Variants in CRLS1 observed in about 807,000 individuals in gnomAD.
The protein encoded by CRLS1 is cardiolipin synthase 1.
A neutral mutation model predicts 37.0 loss-of-function variants in CRLS1; 24 were observed. The ratio of observed to expected loss-of-function variants is 0.65; its 90% confidence interval spans 0.47 to 0.91. The LOEUF (loss-of-function observed/expected upper bound fraction) is 0.91. Ranked by LOEUF, CRLS1 falls within the 40% of genes least tolerant of loss-of-function variation. The pLI is 0.00. For missense variants in CRLS1, 373 were observed against 395.8 expected, an observed-to-expected ratio of 0.94 and a Z score of 0.49; for synonymous variants, 135 against 159.7, an observed-to-expected ratio of 0.85 and a Z score of 1.17.
intron 2 of CRLS1, among the ~76,000 whole-genome samples, chr20:6,014,856 T>C (rs1022600575): frequency 1.3e-5 from 2 of 152,066 alleles, no homozygotes; most frequent in African/African-American, 4.8e-5. Context: ...GTAGAGAGGA[T>C]TGAGTTTTCT....
intron 1 of CRLS1, chr20:6,006,768 C>A (rs1051270862): frequency 2.0e-6 from 2 of 985,266 alleles, no homozygotes; most frequent in Non-Finnish European, 2.4e-6. Flanking sequence ...AGTTAGAAAT[C>A]CTCTCATCCC....
chr20:6,019,023 A>G (rs1261002720), intron 3 of CRLS1, among the ~76,000 whole-genome samples: 3 of 152,092 alleles, frequency 2.0e-5, no homozygotes, highest in Non-Finnish European at 4.4e-5. Context: ...AGGTTTTCAT[A>G]TCAAATTTAT....
In CRLS1 at chr20:6,015,406, T is replaced by C. The variant is rs1332952757; in HGVS notation, c.490T>C (p.Leu164=). 1 of 1,610,978 alleles carries C rather than the reference T, an allele frequency of 6.2e-7. No homozygotes were observed. Among genetic ancestry groups the C allele is most frequent in the African/African-American group, 1.3e-5 (1 of 74,852 alleles). Residue 164 remains leucine (L), a synonymous_variant, in exon 3 of 7, where the codon TTG becomes CTG. Coordinates refer to ENST00000378863, the MANE Select transcript of CRLS1 (RefSeq NM_019095.6). ...AAACTGGGCCAATCAAAGATCAGCT[T>C]TGGGAAGTGCTCTTGATCCACTTGC... ...ARNWANQRSA[L]GSALDPLADK... is the part of the protein sequence containing the mutation.
At chr20:6,022,896 G>A (rs912979884) in intron 3 of CRLS1, among the ~76,000 whole-genome samples, 2 of 151,896 alleles carry the variant, frequency 1.3e-5, no homozygotes, top group African/African-American at 2.4e-5. Flanking sequence ...TATGTTAGAC[G>A]TTCTCCCCGT....
At chr20:6,036,611 A>C (rs7263402) in intron 6 of CRLS1, among the ~76,000 whole-genome samples, 12,209 of 152,294 alleles carry the variant, frequency 0.08, 760 homozygotes, top group African/African-American at 0.17. Context: ...TAGAGTTCAA[A>C]CGAAGTCAGG....
intron 3 of CRLS1, among the ~76,000 whole-genome samples, chr20:6,027,579 T>C (rs563958787): frequency 3.3e-5 from 5 of 150,804 alleles, no homozygotes; most frequent in African/African-American, 1.2e-4. Context: ...CACGCCGAGC[T>C]AATTTTTGTA....
intron 4 of CRLS1, among the ~76,000 whole-genome samples, 163 bp from the exon 5 acceptor site, chr20:6,031,849 G>A (rs1017519590): frequency 6.6e-6 from 1 of 152,064 alleles, no homozygotes; most frequent in Admixed American, 6.6e-5. Context: ...TACAGCAATT[G>A]AAAAATCTAT....
chr20:6,020,910 G>T (rs943875433), intron 3 of CRLS1, among the ~76,000 whole-genome samples: 5 of 151,772 alleles, frequency 3.3e-5, no homozygotes, highest in African/African-American at 1.2e-4. Context: ...GGGATTACAG[G>T]CGTGAGCCAC....
chr20:6,032,272 T>A lies in CRLS1; in HGVS notation c.729+192T>A, dbSNP rs117428638. On this transcript the variant is annotated intron_variant, in intron 5 of 6. Transcript: ENST00000378863. ...GTTTTTTGGATCATCCTTATACATG[T>A]TGTGCCTTGAGTTGGTGGTCTGAGA... Among the ~76,000 whole-genome samples, 895 of 152,258 alleles carry A rather than the reference T, an allele frequency of 5.9e-3. 12 individuals carry two copies. The highest frequency in any genetic ancestry group is 0.031 in the Middle Eastern group (9 of 294).
chr20:6,022,904 C>T (rs1249164243), intron 3 of CRLS1, among the ~76,000 whole-genome samples: 4 of 152,104 alleles, frequency 2.6e-5, no homozygotes, highest in African/African-American at 4.8e-5. Context: ...ACGTTCTCCC[C>T]GTATCCATTA....
intron 3 of CRLS1, 157 bp from the exon 4 acceptor site, chr20:6,031,128 A>AAAC (rs1980131629): frequency 2.0e-6 from 1 of 492,226 alleles, no homozygotes; most frequent in Non-Finnish European, 3.5e-6. Flanking sequence ...GTAGTTTGCT[A>AAAC]TAGGGGACCC....
At chr20:6,031,155 G>A (rs1980135242) in intron 3 of CRLS1, 130 bp from the exon 4 acceptor site, 3 of 581,924 alleles carry the variant, frequency 5.2e-6, no homozygotes, top group Non-Finnish European at 5.8e-6. Flanking sequence ...ATCGATAGGT[G>A]TTCATTATAA....
chr20:6,016,469 G>A (rs542765614), intron 3 of CRLS1, among the ~76,000 whole-genome samples: 6 of 131,132 alleles, frequency 4.6e-5, no homozygotes, highest in African/African-American at 1.3e-4. Flanking sequence ...GTGTGTGTGT[G>A]TGTGTGAGTT....
chr20:6,007,496 C>T, intron 1 of CRLS1: 1 of 1,305,578 alleles, frequency 7.7e-7, no homozygotes, highest in Non-Finnish European at 1.1e-6. Context: ...ATTAATGAGA[C>T]ACCTTAACTG....
intron 1 of CRLS1, among the ~76,000 whole-genome samples, chr20:6,007,814 A>G (rs2090079707): frequency 6.6e-6 from 1 of 152,146 alleles, no homozygotes; most frequent in African/African-American, 2.4e-5. Flanking sequence ...TTGGACTCTG[A>G]AACACTCTGA....
At chr20:6,032,244 C>T (rs923262599) in intron 5 of CRLS1, among the ~76,000 whole-genome samples, 164 bp downstream of exon 5, 1 of 152,068 alleles carries the variant, frequency 6.6e-6, no homozygotes, top group Admixed American at 6.6e-5. Flanking sequence ...GTTTGTCCTC[C>T]GTGTTTTTTG....
At chr20:6,026,894 T>C (rs1355940892) in intron 3 of CRLS1, among the ~76,000 whole-genome samples, 1 of 152,058 alleles carries the variant, frequency 6.6e-6, no homozygotes, top group Admixed American at 6.5e-5. Flanking sequence ...GAGAGTAACA[T>C]GTGGAGTTGG....
chr20:6,006,395 G>C lies in CRLS1; in HGVS notation c.149G>C (p.Arg50Thr). The change falls in exon 1 of 7, where the codon AGG (arginine) becomes ACG (threonine). Residue 50 changes from arginine to threonine, a missense_variant. Transcript: ENST00000378863. ...CCLGCLAERW[R>T]LRPAALGLRL... Reference sequence around the variant, plus strand: ...TTGGGCTGCCTGGCCGAACGCTGGAGGCTGCGTCCGGCCGCTCTTGGCTTG... The same window carrying C: ...TTGGGCTGCCTGGCCGAACGCTGGACGCTGCGTCCGGCCGCTCTTGGCTTG... 1 of 1,406,552 alleles carries C rather than the reference G, an allele frequency of 7.1e-7. No individual in the cohort carries two copies. Among genetic ancestry groups the C allele is most frequent in the East Asian group, 3.1e-5 (1 of 31,948 alleles). The allele number at this position is 1,406,552 out of a possible 1,614,324, so 87.1% of individuals were successfully genotyped here.
intron 3 of CRLS1, among the ~76,000 whole-genome samples, chr20:6,019,691 CTTT>C (rs146083457): frequency 0.089 from 10,683 of 120,252 alleles, 797 homozygotes; most frequent in African/African-American, 0.2. Flanking sequence ...TTTCGAAATT[CTTT>C]TTTTTTTTTT....
Sources: gnomAD v4.1 joint callset for allele counts (sites outside exome capture counted in the v4.1 genomes callset) on GRCh38, gnomAD v4.1.1 for gene constraint, MANE v1.5 for transcripts, NCBI Gene and HGNC (gene_info 2026-07-23, HGNC 2026-07-21) for gene names.